Variants in CFTR observed in about 807,000 individuals in gnomAD.
The protein encoded by CFTR is cystic fibrosis transmembrane conductance regulator.
Under a neutral mutation model 171.6 loss-of-function variants are expected in CFTR, and 181 were observed. The observed-to-expected ratio is 1.05, with a 90% confidence interval of 0.93 to 1.19. CFTR has a LOEUF of 1.19. Ranked by LOEUF, CFTR falls within the 50% of genes most tolerant of loss-of-function variation. CFTR has a pLI of 0.00. For missense variants in CFTR, 1,968 were observed against 1,734.7 expected, an observed-to-expected ratio of 1.13 and a Z score of -2.39; for synonymous variants, 583 against 608.0, an observed-to-expected ratio of 0.96 and a Z score of 0.60.
At chr7:117,524,392 G>GAA (rs541815578) in intron 3 of CFTR, among the ~76,000 whole-genome samples, 6 of 113,134 alleles carry the variant, frequency 5.3e-5, no homozygotes, top group African/African-American at 3.1e-5. Flanking sequence ...CACTAGTCAT[G>GAA]AAAAAAAAAA....
intron 3 of CFTR, among the ~76,000 whole-genome samples, chr7:117,519,869 A>C (rs1798659701): frequency 6.6e-6 from 1 of 151,920 alleles, no homozygotes; most frequent in African/African-American, 2.4e-5. Flanking sequence ...CCTTCAGTAC[A>C]CACCCCTTTA....
intron 20 of CFTR, 68 bp downstream of exon 20, chr7:117,611,876 T>C: frequency 9.7e-7 from 1 of 1,030,282 alleles, no homozygotes; most frequent in Non-Finnish European, 1.5e-6. Flanking sequence ...AAATGCTGCA[T>C]TCTATAGGTT....
chr7:117,503,612 T>C (rs1798366544), intron 1 of CFTR, among the ~76,000 whole-genome samples: 1 of 152,178 alleles, frequency 6.6e-6, no homozygotes, highest in Non-Finnish European at 1.5e-5. Flanking sequence ...TATTATTTAT[T>C]GATGCCTAGA....
At chr7:117,633,100 T>C (rs1395721357) in intron 22 of CFTR, among the ~76,000 whole-genome samples, 1 of 152,218 alleles carries the variant, frequency 6.6e-6, no homozygotes, top group African/African-American at 2.4e-5. Flanking sequence ...TAGATGGAGT[T>C]GGGAAGGACT....
intron 21 of CFTR, among the ~76,000 whole-genome samples, chr7:117,626,941 C>T (rs913499335): frequency 5.9e-5 from 9 of 151,896 alleles, no homozygotes; most frequent in African/African-American, 2.2e-4. Context: ...TTTTCCTTAG[C>T]ACTAAAAATG....
intron 21 of CFTR, among the ~76,000 whole-genome samples, chr7:117,625,658 T>G (rs1792639916): frequency 6.6e-6 from 1 of 152,218 alleles, no homozygotes; most frequent in Non-Finnish European, 1.5e-5. Context: ...AAGTCTCAAC[T>G]TTATACAGTT....
rs1792387874 is a variant in CFTR at position 117,611,633 on chromosome 7, A to G, written c.3192A>G (p.Thr1064=). The G allele has an allele frequency of 1.2e-6, 2 of 1,613,582 alleles. No homozygotes were observed. Among genetic ancestry groups the G allele is most frequent in the Non-Finnish European group, 1.7e-6 (2 of 1,179,734 alleles). Residue 1064 remains threonine, a synonymous_variant, in exon 20 of 27, where the codon ACA becomes ACG. Coordinates refer to ENST00000003084, the MANE Select transcript of CFTR (RefSeq NM_000492.4). ...TTACAAGCTTAAAAGGACTATGGACACTTCGTGCCTTCGGACGGCAGCCTT... is the reference window on the plus strand; with the variant it reads ...TTACAAGCTTAAAAGGACTATGGACGCTTCGTGCCTTCGGACGGCAGCCTT... ...HLVTSLKGLW[T]LRAFGRQPYF...
chr7:117,668,073 T>G lies in CFTR; in HGVS notation c.*965T>G, dbSNP rs1233477909. ...CACACATGAAGTCCAAGCATTTAGA[T>G]GTATAGGTTGATGGTGGTATGTTTT... On this transcript the variant is annotated 3_prime_UTR_variant, in exon 27 of 27. Coordinates refer to ENST00000003084, the MANE Select transcript of CFTR (RefSeq NM_000492.4). 1 of 152,186 alleles carries G rather than the reference T, an allele frequency of 6.6e-6. No individual in the cohort carries two copies. The highest frequency in any genetic ancestry group is 1.5e-5 in the Non-Finnish European group (1 of 68,052). 9.4% of individuals were successfully genotyped at this position (152,186 alleles called of 1,614,324 possible). A position where few individuals can be genotyped will look rare whatever the true frequency, so the allele number is the denominator to read the frequency against.
At chr7:117,597,849 T>C (rs1792159143) in intron 15 of CFTR, among the ~76,000 whole-genome samples, 1 of 149,980 alleles carries the variant, frequency 6.7e-6, no homozygotes, top group South Asian at 2.1e-4. Context: ...AGAATGAAAA[T>C]TGCATGGTAG....
intron 11 of CFTR, among the ~76,000 whole-genome samples, chr7:117,576,173 A>G (rs1791766472): frequency 6.6e-6 from 1 of 152,088 alleles, no homozygotes; most frequent in South Asian, 2.1e-4. Context: ...TCATTCTGAC[A>G]TATTTTTTCT....
Position 117,654,172 on chromosome 7 carries a change from A to G in CFTR, c.3963+1241A>G, listed in dbSNP as rs984406569. The stretch of plus-strand genomic sequence containing the variant: ...ACACCTATGGCTCCCTGAGTGTGCA[A>G]TTGCATGCCTGGTGGTTCTACTGGT... On this transcript the variant is annotated intron_variant, in intron 24 of 26. Coordinates refer to ENST00000003084, the MANE Select transcript of CFTR (RefSeq NM_000492.4). Among the ~76,000 whole-genome samples, 8 of 152,230 alleles carry G rather than the reference A, an allele frequency of 5.3e-5. No homozygotes were observed. In the East Asian group the frequency reaches 1.2e-3, roughly 22 times the overall value.
Position 117,632,425 on chromosome 7 carries a change from G to A in CFTR, c.3717+4655G>A, listed in dbSNP as rs577231822. On this transcript the variant is annotated intron_variant, in intron 22 of 26. Coordinates refer to ENST00000003084, the MANE Select transcript of CFTR (RefSeq NM_000492.4). ...CAAAAATCACAAAAATTAGGTGGGC[G>A]TGTGTTGTGTGCCTATAGGCCCAGC... Among the ~76,000 whole-genome samples the A allele has an allele frequency of 1.3e-4, 19 of 151,950 alleles. No individual in the cohort carries two copies. The South Asian group carries it at 1.9e-3, about 15-fold the overall frequency.
intron 23 of CFTR, among the ~76,000 whole-genome samples, chr7:117,651,305 TA>T (rs941808934): frequency 1.6e-4 from 24 of 152,060 alleles, no homozygotes; most frequent in Non-Finnish European, 2.5e-4. Context: ...GAAAAATATA[TA>T]AAAAAAGCAA....
intron 1 of CFTR, among the ~76,000 whole-genome samples, chr7:117,484,057 T>G (rs1361348269): frequency 6.6e-6 from 1 of 152,218 alleles, no homozygotes; most frequent in Non-Finnish European, 1.5e-5. Flanking sequence ...TACATTTTAT[T>G]TACATGTTTG....
At chr7:117,627,360 T>C (rs922878088) in intron 21 of CFTR, among the ~76,000 whole-genome samples, 162 bp from the exon 22 acceptor site, 1 of 152,160 alleles carries the variant, frequency 6.6e-6, no homozygotes, top group African/African-American at 2.4e-5. Context: ...AACTTTTAAT[T>C]ATATCCAATT....
At chr7:117,560,432 T>C (rs1799443664) in intron 11 of CFTR, among the ~76,000 whole-genome samples, 1 of 152,154 alleles carries the variant, frequency 6.6e-6, no homozygotes, top group Admixed American at 6.5e-5. Flanking sequence ...TGTTTGTGAT[T>C]CAAAAGCAAT....
At chr7:117,628,844 A>G (rs775456971) in intron 22 of CFTR, among the ~76,000 whole-genome samples, 22 of 152,118 alleles carry the variant, frequency 1.4e-4, no homozygotes, top group Non-Finnish European at 2.1e-4. Context: ...AGTGAATACC[A>G]TAGGTAGCTG....
intron 25 of CFTR, 110 bp downstream of exon 25, chr7:117,664,970 C>T (rs1793349462): frequency 8.7e-7 from 1 of 1,143,802 alleles, no homozygotes; most frequent in East Asian, 2.3e-5. Flanking sequence ...GTGTGGGGGT[C>T]TCCCCCAAGA....
chr7:117,610,377 A>G, intron 18 of CFTR, 142 bp from the exon 19 acceptor site: 2 of 682,286 alleles, frequency 2.9e-6, no homozygotes, highest in Admixed American at 2.7e-5. Context: ...CCTAAAACTT[A>G]AAGTATAATA....
Sources: allele counts gnomAD v4.1 joint callset (sites outside exome capture counted in the v4.1 genomes callset), GRCh38; gene constraint gnomAD v4.1.1; transcripts MANE v1.5; gene names NCBI Gene and HGNC (gene_info 2026-07-23, HGNC 2026-07-21).